KIF18A: variants seen among roughly 807,000 people sequenced by gnomAD.
KIF18A encodes the protein kinesin family member 18A.
A neutral mutation model predicts 103.3 loss-of-function variants in KIF18A; 67 were observed. The ratio of observed to expected loss-of-function variants is 0.65; its 90% CI spans 0.53 to 0.79. The LOEUF (loss-of-function observed/expected upper bound fraction) is 0.79, where lower values mean the gene tolerates loss of function less well. Among genes scored for constraint, KIF18A ranks in the 30% least tolerant of loss-of-function variants. The pLI, the probability that KIF18A is intolerant of heterozygous loss-of-function variation, is 0.00. For synonymous variants in KIF18A, 367 were observed against 355.5 expected, an observed-to-expected ratio of 1.03 and a Z score of -0.36; for missense variants, 1,032 against 1,062.5, an observed-to-expected ratio of 0.97 and a Z score of 0.40.
chr11:28,022,776 T>A (rs922029908), intron 16 of KIF18A, among the ~76,000 whole-genome samples: 17 of 152,242 alleles, frequency 1.1e-4, no homozygotes, highest in Admixed American at 9.8e-4. Flanking sequence ...TGCTGTCTGA[T>A]GCTTCAATTT....
chr11:28,036,245 G>C lies in KIF18A; in HGVS notation c.2368C>G (p.Pro790Ala). 1.3e-6 allele frequency: 2 copies of C among 1,599,520 alleles called. No individual in the cohort carries two copies. The highest frequency in any genetic ancestry group is 1.1e-5 in the South Asian group (1 of 89,006). ...KCKLPEQESL[P>A]NDNKDILQRL... ...TGTAAAATGTCTTTGTTATCATTTGGTAGTGATTCTTGTTCGGGTAATTTA... is the reference window on the plus strand; with the variant it reads ...TGTAAAATGTCTTTGTTATCATTTGCTAGTGATTCTTGTTCGGGTAATTTA... Residue 790 changes from proline to alanine, a missense_variant, in exon 14 of 17, where the codon CCA becomes GCA. Physicochemically the swap from Pro to Ala is conservative, Grantham distance 27. Transcript: ENST00000263181.
chr11:28,094,023 T>C (rs1851335675), intron 3 of KIF18A, among the ~76,000 whole-genome samples: 1 of 152,190 alleles, frequency 6.6e-6, no homozygotes, highest in African/African-American at 2.4e-5. Context: ...TAAGCCTTTT[T>C]TGATGCAGTA....
In KIF18A at chr11:28,077,010, T is replaced by G. The variant is rs748816978; in HGVS notation, c.1422A>C (p.Glu474Asp). 4 of 1,483,160 alleles carry G rather than the reference T, an allele frequency of 2.7e-6. No individual in the cohort carries two copies. In the African/African-American group the frequency reaches 5.9e-5, roughly 22 times the overall value. The allele number at this position is 1,483,160 out of a possible 1,614,324, so 91.9% of individuals were successfully genotyped here. A position where few individuals can be genotyped will look rare whatever the true frequency, so the allele number is the denominator to read the frequency against. ...IEMMCSEDKVEKATGKRDHRL... is the reference protein window; with the variant it reads ...IEMMCSEDKVDKATGKRDHRL... The stretch of plus-strand genomic sequence containing the variant: ...TAATTATAAAATTGTTAATTACCTT[T>G]TCTACTTTGTCTTCAGAACACATCA... The change falls in exon 10 of 17, where the codon GAA becomes GAC. Residue 474 changes from glutamate (E) to aspartate (D), a missense_variant. Glu to Asp is a conservative substitution (Grantham distance 45). Coordinates refer to ENST00000263181, the MANE Select transcript of KIF18A (RefSeq NM_031217.4).
chr11:28,088,937 G>A (rs983695380), intron 5 of KIF18A, among the ~76,000 whole-genome samples: 1 of 152,208 alleles, frequency 6.6e-6, no homozygotes, highest in Middle Eastern at 3.4e-3. Context: ...TGTACCAGAG[G>A]AAAAATAACT....
At chr11:28,107,735 T>A (rs938517936) in intron 1 of KIF18A, among the ~76,000 whole-genome samples, 3 of 152,140 alleles carry the variant, frequency 2.0e-5, no homozygotes. Context: ...AAGCTGACAC[T>A]ACAAGGTGCT....
At chr11:28,085,082 T>A (rs1183400088) in intron 6 of KIF18A, among the ~76,000 whole-genome samples, 2 of 152,176 alleles carry the variant, frequency 1.3e-5, no homozygotes, top group African/African-American at 2.4e-5. Flanking sequence ...ATTACGAATA[T>A]AACCTAGGAA....
chr11:28,094,739 TTCATCAGCTGA>T lies in KIF18A; in HGVS notation c.376_386del (p.Ser126ThrfsTer17). 6.2e-7 allele frequency: 1 copy of T among 1,613,656 alleles called. No homozygotes were observed. The highest frequency in any genetic ancestry group is 1.1e-5 in the South Asian group (1 of 91,072). On this transcript the variant is annotated frameshift_variant, in exon 3 of 17. Coordinates refer to ENST00000263181, the MANE Select transcript of KIF18A (RefSeq NM_031217.4). LOFTEE classifies it high-confidence loss of function. ...ACATTGTTAGATACATCACTCCAGG[TTCATCAGCTGA>T]TCCTAGCATAGTGTGGGTCTTCCCA...
chr11:28,089,818 ATTAC>A (rs1851278645), intron 5 of KIF18A, among the ~76,000 whole-genome samples: 1 of 152,246 alleles, frequency 6.6e-6, no homozygotes, highest in Non-Finnish European at 1.5e-5. Context: ...AAAGTAAGAT[ATTAC>A]TTAATTATAA....
intron 1 of KIF18A, among the ~76,000 whole-genome samples, chr11:28,107,816 A>G (rs1441060848): frequency 1.3e-5 from 2 of 152,212 alleles, no homozygotes; most frequent in African/African-American, 4.8e-5. Context: ...ACTTCCTCTC[A>G]GGACTTAAGG....
intron 13 of KIF18A, among the ~76,000 whole-genome samples, chr11:28,038,463 C>T (rs564023864): frequency 6.6e-6 from 1 of 151,698 alleles, no homozygotes; most frequent in Non-Finnish European, 1.5e-5. Flanking sequence ...GAAACTATTA[C>T]GTGTATTTCC....
chr11:28,091,144 A>AC (rs879656238), intron 4 of KIF18A, among the ~76,000 whole-genome samples: 9,239 of 148,546 alleles, frequency 0.062, 514 homozygotes, highest in East Asian at 0.31. Flanking sequence ...ATAAATAAAT[A>AC]AATAAATACA....
chr11:28,094,165 T>A (rs1306495019), intron 3 of KIF18A, among the ~76,000 whole-genome samples: 1 of 152,122 alleles, frequency 6.6e-6, no homozygotes, highest in Non-Finnish European at 1.5e-5. Context: ...GACTAAGATA[T>A]AACAACTGAA....
intron 2 of KIF18A, 49 bp downstream of exon 2, chr11:28,097,574 C>A (rs1043646334): frequency 1.6e-6 from 2 of 1,238,544 alleles, no homozygotes; most frequent in Admixed American, 1.7e-5. Flanking sequence ...CGTCCTAATG[C>A]AAAAGTGAAA....
intron 12 of KIF18A, among the ~76,000 whole-genome samples, chr11:28,060,541 T>G (rs1368017187): frequency 1.3e-5 from 2 of 151,778 alleles, no homozygotes; most frequent in African/African-American, 4.8e-5. Context: ...ATTTAAACAA[T>G]TACTTATTTA....
At chr11:28,022,921 T>C (rs1040882070) in intron 16 of KIF18A, among the ~76,000 whole-genome samples, 5 of 152,236 alleles carry the variant, frequency 3.3e-5, no homozygotes, top group Non-Finnish European at 5.9e-5. Flanking sequence ...ATAGCTTTCA[T>C]GTTATCCTTA....
chr11:28,021,139 G>T lies in KIF18A; in HGVS notation c.*61C>A. 7.9e-6 allele frequency: 11 copies of T among 1,397,480 alleles called. No homozygotes were observed. The highest frequency in any genetic ancestry group is 1.5e-5 in the South Asian group (1 of 64,814). 86.6% of individuals were successfully genotyped at this position (1,397,480 alleles called of 1,614,324 possible). A position where few individuals can be genotyped will look rare whatever the true frequency, so the allele number is the denominator to read the frequency against. On this transcript the variant is annotated 3_prime_UTR_variant, in exon 17 of 17. Transcript: ENST00000263181. The stretch of plus-strand genomic sequence containing the variant: ...AGATTTTAAATATATTTTTGAAAGG[G>T]TATTGATAAACTTTGAAAAGCAGAT...
At chr11:28,102,104 G>T (rs978189931) in intron 1 of KIF18A, among the ~76,000 whole-genome samples, 1 of 152,122 alleles carries the variant, frequency 6.6e-6, no homozygotes. Context: ...GTTCTATAGA[G>T]AATCCCCTTC....
At position 28,059,083 on chromosome 11, in the gene KIF18A, A is replaced by C. The variant is rs572528088; in HGVS notation, c.1791T>G (p.Phe597Leu). The C allele has an allele frequency of 5.6e-6, 9 of 1,614,116 alleles. No homozygotes were observed. In the African/African-American group the frequency reaches 6.7e-5, roughly 12 times the overall value. ...GTTCGATCTCTTTGAAGTCAGATTC[A>C]AAAGCAGCATTTGACAGGCCGGCTT... The part of the protein sequence containing the change: ...LKEAGLSNAA[F>L]ESDFKEIEHL... Residue 597 changes from phenylalanine (F) to leucine (L), a missense_variant, in exon 13 of 17, where the codon TTT becomes TTG. By Grantham distance (22) the Phe-to-Leu change is conservative. Coordinates refer to ENST00000263181, the MANE Select transcript of KIF18A (RefSeq NM_031217.4).
At chr11:28,046,926 C>T (rs1323261881) in intron 13 of KIF18A, among the ~76,000 whole-genome samples, 6 of 149,804 alleles carry the variant, frequency 4.0e-5, no homozygotes, top group African/African-American at 1.2e-4. Flanking sequence ...TGGTGGTGGG[C>T]GCCTGTAATC....
Sources: gnomAD v4.1 joint callset for allele counts (sites outside exome capture counted in the v4.1 genomes callset) on GRCh38, gnomAD v4.1.1 for gene constraint, MANE v1.5 for transcripts, NCBI Gene and HGNC (gene_info 2026-07-23, HGNC 2026-07-21) for gene names.